The following PLD5 variants were observed in gnomAD, a reference collection of about 807,000 sequenced individuals.
PLD5 encodes inactive phospholipase D5.
In PLD5, 36 loss-of-function variants were observed where a neutral mutation model predicts 61.1. The observed-to-expected ratio is 0.59, with a 90% CI of 0.45 to 0.78. The LOEUF is 0.78. Among genes scored for constraint, PLD5 ranks in the 30% least tolerant of loss-of-function variants. The pLI is 0.00. For missense variants in PLD5, 515 were observed against 644.4 expected, an observed-to-expected ratio of 0.80 and a Z score of 2.17; for synonymous variants, 243 against 242.8, an observed-to-expected ratio of 1.00 and a Z score of -0.01.
chr1:242,526,863 C>G (rs1399870149), upstream of PLD5, among the ~76,000 whole-genome samples: 2 of 152,112 alleles, frequency 1.3e-5, no homozygotes, highest in African/African-American at 2.4e-5. Flanking sequence ...ATATTGTTAA[C>G]AGAAAGATGT....
chr1:242,425,083 G>A (rs1202656397), intron 1 of PLD5, among the ~76,000 whole-genome samples: 1 of 152,174 alleles, frequency 6.6e-6, no homozygotes, highest in Non-Finnish European at 1.5e-5. Flanking sequence ...AGTGAGCTGA[G>A]ATGGTGCCAT....
At chr1:242,295,348 G>A (rs1005484931) in intron 2 of PLD5, among the ~76,000 whole-genome samples, 1 of 152,106 alleles carries the variant, frequency 6.6e-6, no homozygotes, top group Non-Finnish European at 1.5e-5. Context: ...CCTTGCCTTG[G>A]ATACCCATTG....
At chr1:242,440,666 A>C (rs1666230647) in intron 1 of PLD5, among the ~76,000 whole-genome samples, 1 of 152,236 alleles carries the variant, frequency 6.6e-6, no homozygotes, top group African/African-American at 2.4e-5. Flanking sequence ...GGGATCTGAG[A>C]TACAAGACAC....
At chr1:242,119,439 A>G (rs1342748599) in intron 6 of PLD5, among the ~76,000 whole-genome samples, 1 of 152,226 alleles carries the variant, frequency 6.6e-6, no homozygotes, top group Admixed American at 6.5e-5. Context: ...TCTATAAAAA[A>G]TCATATTTCT....
intron 5 of PLD5, among the ~76,000 whole-genome samples, chr1:242,175,491 C>A (rs961572882): frequency 2.0e-5 from 3 of 152,188 alleles, no homozygotes; most frequent in South Asian, 4.1e-4. Context: ...ACATCAATAT[C>A]ATCTGGAATG....
intron 1 of PLD5, among the ~76,000 whole-genome samples, chr1:242,394,107 TATATGAGTATATATATG>T (rs1663178043): frequency 2.1e-5 from 3 of 141,892 alleles, no homozygotes; most frequent in African/African-American, 7.6e-5. Context: ...TATGTGTATA[TATATGAGTATATATATG>T]TGTATATATA....
intron 5 of PLD5, among the ~76,000 whole-genome samples, chr1:242,149,662 TATACAC>T (rs1440526269): frequency 2.1e-5 from 3 of 139,536 alleles, no homozygotes; most frequent in African/African-American, 5.8e-5. Context: ...ACTTAAGTTT[TATACAC>T]ATACACACAC....
rs185015418 is a variant in PLD5, at chr1:242,253,180, G to A, written c.607+12157C>T. Among the ~76,000 whole-genome samples the A allele has an allele frequency of 6.8e-3, 977 of 144,480 alleles. 18 individuals carry two copies. The highest frequency in any genetic ancestry group is 0.023 in the African/African-American group (900 of 38,390). The allele number at this position is 144,480 out of a possible 152,430, so 94.8% of individuals were successfully genotyped here. A position where few individuals can be genotyped will look rare whatever the true frequency, so the allele number is the denominator to read the frequency against. On this transcript the variant is annotated intron_variant, in intron 4 of 9. Transcript: ENST00000536534. ...TATCGCCTGGCTGGAGTACAGTGGT[G>A]GATCATAGCTCACCGATCACAGCTC... is the stretch of plus-strand genomic sequence containing the variant.
chr1:242,414,015 G>C (rs1664693408), intron 1 of PLD5, among the ~76,000 whole-genome samples: 1 of 152,092 alleles, frequency 6.6e-6, no homozygotes, highest in South Asian at 2.1e-4. Flanking sequence ...CTGTGAAGTA[G>C]GCAAATCTGA....
At chr1:242,100,525 G>A (rs1244366483) in intron 9 of PLD5, 143 bp downstream of exon 9, 1 of 632,208 alleles carries the variant, frequency 1.6e-6, no homozygotes, top group East Asian at 2.6e-5. Flanking sequence ...TTACCGTCCT[G>A]TTTCCTCATC....
intron 1 of PLD5, among the ~76,000 whole-genome samples, chr1:242,449,803 G>A (rs1285279870): frequency 1.3e-5 from 2 of 152,314 alleles, no homozygotes; most frequent in Admixed American, 6.5e-5. Flanking sequence ...AGAAACGGCT[G>A]CAATTCCAAT....
At position 242,405,551 on chromosome 1, in the gene PLD5, C is replaced by T. The variant is rs533236329; in HGVS notation, c.190-57309G>A. 7.2e-5 allele frequency among the ~76,000 whole-genome samples: 11 copies of T among 152,216 alleles called. No individual in the cohort carries two copies. The East Asian group carries it at 1.7e-3, about 24-fold the overall frequency. ...ATTTCATCCCAGACACCTTTTTCTCCAGTCATGAGGAACTGTTACGTTGCA... is the reference window on the plus strand; with the variant it reads ...ATTTCATCCCAGACACCTTTTTCTCTAGTCATGAGGAACTGTTACGTTGCA... On this transcript the variant is annotated intron_variant, in intron 1 of 9. Coordinates refer to ENST00000536534, the MANE Select transcript of PLD5 (RefSeq NM_001372062.1).
At chr1:242,309,291 T>C (rs1271864949) in intron 2 of PLD5, among the ~76,000 whole-genome samples, 2 of 147,398 alleles carry the variant, frequency 1.4e-5, no homozygotes, top group African/African-American at 5.0e-5. Flanking sequence ...TTAAAAACCA[T>C]GGCCTTGGGC....
At chr1:242,241,868 A>ACT (rs1350593934) in intron 4 of PLD5, among the ~76,000 whole-genome samples, 17 of 84,794 alleles carry the variant, frequency 2.0e-4, no homozygotes, top group Non-Finnish European at 4.3e-4. Flanking sequence ...TGCTTTACTT[A>ACT]CTATATATAT....
chr1:242,207,790 T>TTATATATTTATATATATTTATATATA (rs1669440817), intron 5 of PLD5, among the ~76,000 whole-genome samples: 12 of 37,828 alleles, frequency 3.2e-4, no homozygotes, highest in African/African-American at 2.0e-3. Context: ...ATATTTATAT[T>TTATATATTTATATATATTTATATATA]TATATATATT....
At chr1:242,187,587 G>A (rs569503109) in intron 5 of PLD5, among the ~76,000 whole-genome samples, 4 of 152,240 alleles carry the variant, frequency 2.6e-5, no homozygotes, top group East Asian at 3.9e-4. Context: ...ATTTCTGGAA[G>A]GCATATTTAA....
At chr1:242,497,420 C>CA (rs1332856462) in intron 1 of PLD5, among the ~76,000 whole-genome samples, 1 of 152,074 alleles carries the variant, frequency 6.6e-6, no homozygotes, top group Non-Finnish European at 1.5e-5. Flanking sequence ...TGCACCTGCC[C>CA]AAAAAGATCT....
intron 1 of PLD5, among the ~76,000 whole-genome samples, chr1:242,479,275 T>G (rs1405819387): frequency 6.6e-6 from 1 of 152,240 alleles, no homozygotes; most frequent in Non-Finnish European, 1.5e-5. Context: ...TGATAGACTC[T>G]GAAGAAAACT....
At chr1:242,121,993 T>TG (rs1358512694) in intron 6 of PLD5, among the ~76,000 whole-genome samples, 1 of 150,902 alleles carries the variant, frequency 6.6e-6, no homozygotes, top group Non-Finnish European at 1.5e-5. Context: ...CTAATGTAAA[T>TG]ATGAGTTAGT....
Sources: gnomAD v4.1 joint callset for allele counts (sites outside exome capture counted in the v4.1 genomes callset) on GRCh38, gnomAD v4.1.1 for gene constraint, MANE v1.5 for transcripts, NCBI Gene and HGNC (gene_info 2026-07-23, HGNC 2026-07-21) for gene names.